CARM1: variants seen among roughly 807,000 people sequenced by gnomAD.
CARM1 encodes the protein histone-arginine methyltransferase CARM1.
CARM1 carries 14 observed loss-of-function variants against 72.7 expected under a neutral mutation model. That is an observed-to-expected ratio of 0.19 (90% CI 0.13 to 0.30). The LOEUF (loss-of-function observed/expected upper bound fraction) is 0.30. CARM1 is among the 10% of genes least tolerant of loss of function. The pLI is 1.00. For synonymous variants in CARM1, 333 were observed against 345.5 expected (o/e 0.96, Z 0.40); for missense variants, 432 against 833.7 (o/e 0.52, Z 5.93).
rs768729756 is a variant in CARM1 at position 10,921,381 on chromosome 19, C to T, written c.1622C>T (p.Thr541Met). ...CCTCCCTCTCGCTGCGCAGCCAACA[C>T]GGGGATTGTCAATCACACCCACTCC... ...GHNNLIPLAN[T>M]GIVNHTHSRM... The change falls in exon 15 of 16, where the codon ACG becomes ATG. Residue 541 changes from threonine (T) to methionine (M), a missense_variant. Coordinates refer to ENST00000327064, the MANE Select transcript of CARM1 (RefSeq NM_199141.2). 1.5e-5 allele frequency: 24 copies of T among 1,610,040 alleles called. No individual in the cohort carries two copies. Among genetic ancestry groups the T allele is most frequent in the East Asian group, 2.2e-5 (1 of 44,864 alleles).
chr19:10,890,793 A>AT (rs1227175346), intron 1 of CARM1, among the ~76,000 whole-genome samples: 2,343 of 83,428 alleles, frequency 0.028, 102 homozygotes, highest in Non-Finnish European at 0.037. Flanking sequence ...ATATATATAT[A>AT]TATTTTTTTT....
At position 10,920,027 on chromosome 19, in the gene CARM1, C is replaced by T. The variant is rs993245636; in HGVS notation, c.1196+61C>T. 4.2e-5 allele frequency: 56 copies of T among 1,327,220 alleles called. No individual in the cohort carries two copies. The highest frequency in any genetic ancestry group is 6.0e-5 in the Non-Finnish European group (56 of 926,128). 82.2% of individuals were successfully genotyped at this position (1,327,220 alleles called of 1,614,324 possible). A position where few individuals can be genotyped will look rare whatever the true frequency, so the allele number is the denominator to read the frequency against. On this transcript the variant is annotated intron_variant, in intron 10 of 15. Coordinates refer to ENST00000327064, the MANE Select transcript of CARM1 (RefSeq NM_199141.2). The surrounding 1 kb of genome is among the most constrained non-coding windows in gnomAD (Gnocchi z 5.3). ...CCACTCCCAGGGCTTCCTGCAGCTG[C>T]AACCTGGCTGGGGGGGTGGAACATG...
Position 10,871,936 on chromosome 19 carries a change from CCCGGGGCAGGCGCAGGG to C in CARM1, c.220+22_220+38del, listed in dbSNP as rs2073821856. On this transcript the variant is annotated intron_variant, in intron 1 of 15. Transcript: ENST00000327064. The surrounding 1 kb of genome is among the most constrained non-coding windows in gnomAD (Gnocchi z 5.6). ...CCCTCTACAGCCGTGAGTACGGGGC[CCCGGGGCAGGCGCAGGG>C]CCGGGGCTGCTCACGAGGCCGGCCC... 8.5e-7 allele frequency: 1 copy of C among 1,183,102 alleles called. No homozygotes were observed. The highest frequency in any genetic ancestry group is 1.0e-6 in the Non-Finnish European group (1 of 956,178). The allele number at this position is 1,183,102 out of a possible 1,614,324, so 73.3% of individuals were successfully genotyped here. A position where few individuals can be genotyped will look rare whatever the true frequency, so the allele number is the denominator to read the frequency against.
chr19:10,891,971 T>C lies in CARM1; in HGVS notation c.221-12980T>C, dbSNP rs12463017. On this transcript the variant is annotated intron_variant, in intron 1 of 15. Coordinates refer to ENST00000327064, the MANE Select transcript of CARM1 (RefSeq NM_199141.2). Reference sequence around the variant, plus strand: ...AGCACTGAAGTCACTTTATTGTGTTTCCAGACAAGCCCCATGAATGCAGTG... The same window carrying C: ...AGCACTGAAGTCACTTTATTGTGTTCCCAGACAAGCCCCATGAATGCAGTG... Among the ~76,000 whole-genome samples, 967 of 152,286 alleles carry C rather than the reference T, an allele frequency of 6.3e-3. 21 individuals carry two copies. In the East Asian group the frequency reaches 0.066, roughly 10 times the overall value.
Position 10,871,758 on chromosome 19 carries a change from T to G in CARM1, c.56T>G (p.Val19Gly). The change falls in exon 1 of 16, where the codon GTC becomes GGC. Residue 19 changes from valine to glycine, a missense_variant. This residue lies in a region of CARM1 where 138 missense variants were observed against 192.3 expected (regional missense o/e 0.72). Coordinates refer to ENST00000327064, the MANE Select transcript of CARM1 (RefSeq NM_199141.2). The surrounding 1 kb of genome is among the most constrained non-coding windows in gnomAD (Gnocchi z 5.6). ...GPGAGGAGSA[V>G]PGGAGPCATV... ...GGCGCGGGCGGCGCGGGGTCGGCGG[T>G]CCCGGGCGGCGCGGGGCCCTGCGCT... 9.1e-7 allele frequency: 1 copy of G among 1,102,482 alleles called. No homozygotes were observed. Among genetic ancestry groups the G allele is most frequent in the African/African-American group, 1.7e-5 (1 of 58,990 alleles). The allele number at this position is 1,102,482 out of a possible 1,614,324, so 68.3% of individuals were successfully genotyped here.
rs904211415 is a variant in CARM1 at position 10,896,554 on chromosome 19, G to A, written c.221-8397G>A. Among the ~76,000 whole-genome samples, 1 of 152,080 alleles carries A rather than the reference G, an allele frequency of 6.6e-6. No homozygotes were observed. Among genetic ancestry groups the A allele is most frequent in the Non-Finnish European group, 1.5e-5 (1 of 68,022 alleles). ...CCCTCCCAGTGCTGCCCAGAGCCAA[G>A]CCACCAGTCCACTGGGGCCTCTTGC... On this transcript the variant is annotated intron_variant, in intron 1 of 15. Transcript: ENST00000327064. The surrounding 1 kb of genome is among the most constrained non-coding windows in gnomAD (Gnocchi z 5.2).
chr19:10,894,582 C>T (rs890167374), intron 1 of CARM1, among the ~76,000 whole-genome samples: 1 of 152,110 alleles, frequency 6.6e-6, no homozygotes, highest in African/African-American at 2.4e-5. Context: ...CCCAGGTTTG[C>T]CGAGATAAAT....
intron 1 of CARM1, among the ~76,000 whole-genome samples, chr19:10,887,591 ATTC>A (rs1371310958): frequency 6.6e-6 from 1 of 151,916 alleles, no homozygotes; most frequent in Non-Finnish European, 1.5e-5. Context: ...ACCTTTCCTT[ATTC>A]TTTATTTTTT....
At chr19:10,872,519 C>T (rs1232182629) in intron 1 of CARM1, among the ~76,000 whole-genome samples, 1 of 152,010 alleles carries the variant, frequency 6.6e-6, no homozygotes, top group Non-Finnish European at 1.5e-5. Flanking sequence ...CATGCGGGGA[C>T]GGTGGGAGCC....
At chr19:10,921,477 G>A (rs1568358370) in intron 15 of CARM1, 34 bp downstream of exon 15, 2 of 1,586,944 alleles carry the variant, frequency 1.3e-6, no homozygotes, top group South Asian at 2.3e-5. Context: ...GCCCGTGGGG[G>A]CCGAGCTAGC....
intron 4 of CARM1, among the ~76,000 whole-genome samples, chr19:10,910,101 A>G (rs1355030198): frequency 6.6e-6 from 1 of 152,152 alleles, no homozygotes; most frequent in Non-Finnish European, 1.5e-5. Context: ...TCAAAAACAA[A>G]ATAAATAAGC....
At chr19:10,919,718 C>T (rs1300887817) in intron 9 of CARM1, 38 bp downstream of exon 9, 4 of 1,585,308 alleles carry the variant, frequency 2.5e-6, no homozygotes, top group African/African-American at 2.7e-5. Context: ...AGGCCTGGCT[C>T]AGGCCGAAGG....
At chr19:10,890,795 ATT>A (rs67421012) in intron 1 of CARM1, among the ~76,000 whole-genome samples, 125 of 47,440 alleles carry the variant, frequency 2.6e-3, no homozygotes, top group South Asian at 3.8e-3. Flanking sequence ...ATATATATAT[ATT>A]TTTTTTTTTT....
At chr19:10,899,769 G>A (rs1274890887) in intron 1 of CARM1, among the ~76,000 whole-genome samples, 1 of 148,926 alleles carries the variant, frequency 6.7e-6, no homozygotes, top group Non-Finnish European at 1.5e-5. Flanking sequence ...CGTCCAGGCT[G>A]GAGTGCAGTG....
chr19:10,906,764 C>T (rs867997367), intron 2 of CARM1, among the ~76,000 whole-genome samples: 1 of 151,426 alleles, frequency 6.6e-6, no homozygotes, highest in Non-Finnish European at 1.5e-5. Flanking sequence ...CATGCCTGAC[C>T]GTGTCTTTTA....
intron 1 of CARM1, among the ~76,000 whole-genome samples, chr19:10,892,882 G>A (rs141983029): frequency 0.016 from 2,420 of 151,972 alleles, 33 homozygotes; most frequent in Middle Eastern, 0.024. Flanking sequence ...ACAGGTGCCC[G>A]CCACCATGTC....
At chr19:10,874,404 T>A (rs1350886731) in intron 1 of CARM1, among the ~76,000 whole-genome samples, 1 of 152,054 alleles carries the variant, frequency 6.6e-6, no homozygotes, top group East Asian at 1.9e-4. Flanking sequence ...TTATTTTTTA[T>A]TTTTTCAGAC....
At chr19:10,890,774 C>CACATATATAT (rs1460065828) in intron 1 of CARM1, among the ~76,000 whole-genome samples, 38 of 63,602 alleles carry the variant, frequency 6.0e-4, no homozygotes, top group Non-Finnish European at 9.5e-4. Context: ...TACACACACA[C>CACATATATAT]ATATATATAT....
At chr19:10,910,458 G>T (rs2074139798) in intron 4 of CARM1, among the ~76,000 whole-genome samples, 1 of 151,494 alleles carries the variant, frequency 6.6e-6, no homozygotes. Context: ...TCCAGCCTGG[G>T]CAAGAGAGCA....
Sources: allele counts gnomAD v4.1 joint callset (sites outside exome capture counted in the v4.1 genomes callset), GRCh38; gene constraint gnomAD v4.1.1; regional missense constraint gnomAD v4.1.1; non-coding constraint Gnocchi (gnomAD v3.1); transcripts MANE v1.5; gene names NCBI Gene and HGNC (gene_info 2026-07-23, HGNC 2026-07-21).